The following CDH22 variants were observed in gnomAD, a reference collection of about 807,000 sequenced individuals.
CDH22 encodes cadherin 22.
CDH22 carries 30 observed loss-of-function variants against 58.4 expected under a neutral mutation model. The ratio of observed to expected loss-of-function variants is 0.51; its 90% confidence interval spans 0.38 to 0.70. The LOEUF (loss-of-function observed/expected upper bound fraction) is 0.70. Among genes scored for constraint, CDH22 ranks in the 30% least tolerant of loss-of-function variants. CDH22 has a pLI of 0.00. For synonymous variants in CDH22, 513 were observed against 558.2 expected (o/e 0.92, Z 1.14); for missense variants, 1,014 against 1,233.9 (o/e 0.82, Z 2.67).
chr20:46,265,286 C>T (rs143852545), intron 1 of CDH22, among the ~76,000 whole-genome samples: 150 of 152,278 alleles, frequency 9.9e-4, no homozygotes, highest in African/African-American at 3.3e-3. Context: ...CCCTCCAAAC[C>T]GCCTCCTCCT....
At chr20:46,202,712 G>A (rs976712178) in intron 7 of CDH22, among the ~76,000 whole-genome samples, 5 of 152,136 alleles carry the variant, frequency 3.3e-5, no homozygotes, top group South Asian at 2.1e-4. Context: ...CCAAATCCTC[G>A]ATGCATGAAG....
intron 8 of CDH22, among the ~76,000 whole-genome samples, chr20:46,192,915 G>GC (rs200758518): frequency 0.045 from 6,685 of 149,872 alleles, 180 homozygotes; most frequent in African/African-American, 0.059. Flanking sequence ...CTGTCCCCAT[G>GC]CCCCCCCCCA....
At chr20:46,211,765 A>G (rs967518487) in intron 6 of CDH22, among the ~76,000 whole-genome samples, 7 of 152,224 alleles carry the variant, frequency 4.6e-5, no homozygotes, top group East Asian at 1.9e-4. Context: ...TTAAGGATGA[A>G]CGGAGATCAA....
chr20:46,256,303 G>A (rs75864231), intron 1 of CDH22, among the ~76,000 whole-genome samples: 1,833 of 152,248 alleles, frequency 0.012, 37 homozygotes, highest in African/African-American at 0.042. Flanking sequence ...GAAGTTCTGG[G>A]GATGGCGGGA....
intron 10 of CDH22, 79 bp from the exon 11 acceptor site, chr20:46,178,276 C>G (rs541534784): frequency 2.8e-5 from 42 of 1,511,960 alleles, no homozygotes; most frequent in South Asian, 1.0e-4. Flanking sequence ...CTGATTGCAT[C>G]GTGAGATTTG....
chr20:46,192,411 C>T (rs1203042023), intron 8 of CDH22, among the ~76,000 whole-genome samples: 1 of 152,178 alleles, frequency 6.6e-6, no homozygotes, highest in Non-Finnish European at 1.5e-5. Context: ...GGACCCTCTT[C>T]CTGCCTCTCT....
intron 1 of CDH22, among the ~76,000 whole-genome samples, chr20:46,295,954 G>T (rs914339473): frequency 3.3e-5 from 5 of 152,128 alleles, no homozygotes; most frequent in Admixed American, 6.5e-5. Context: ...TAGAGATGGG[G>T]GTCTTGCTAT....
intron 8 of CDH22, among the ~76,000 whole-genome samples, chr20:46,198,329 C>CAT (rs2085925099): frequency 1.3e-5 from 2 of 148,444 alleles, no homozygotes; most frequent in African/African-American, 2.6e-5. Context: ...CACACACACA[C>CAT]ACATATTCTT....
chr20:46,266,163 C>T (rs1427943591), intron 1 of CDH22, among the ~76,000 whole-genome samples: 1 of 152,186 alleles, frequency 6.6e-6, no homozygotes, highest in Admixed American at 6.5e-5. Flanking sequence ...GGGAATGGTA[C>T]AGCAGGGTCC....
chr20:46,215,795 G>T (rs2086080188), intron 5 of CDH22, among the ~76,000 whole-genome samples: 1 of 152,230 alleles, frequency 6.6e-6, no homozygotes, highest in African/African-American at 2.4e-5. Flanking sequence ...TGGCACAAGT[G>T]GGCAGAAGAC....
At chr20:46,268,348 G>A (rs1040828181) in intron 1 of CDH22, among the ~76,000 whole-genome samples, 3 of 152,228 alleles carry the variant, frequency 2.0e-5, no homozygotes, top group African/African-American at 4.8e-5. Flanking sequence ...AAAGCCTGGC[G>A]GCCACCGCCT....
intron 10 of CDH22, among the ~76,000 whole-genome samples, chr20:46,179,365 C>T (rs979715551): frequency 6.6e-5 from 10 of 152,178 alleles, no homozygotes; most frequent in Non-Finnish European, 1.0e-4. Context: ...TACCCTGCTT[C>T]GTGGCCCCAG....
chr20:46,181,261 G>A (rs1370830972), intron 10 of CDH22, among the ~76,000 whole-genome samples: 1 of 152,144 alleles, frequency 6.6e-6, no homozygotes, highest in Non-Finnish European at 1.5e-5. Flanking sequence ...GGTGAGTGCT[G>A]TGAAGGAAGA....
At chr20:46,247,373 G>A (rs535100656) in intron 2 of CDH22, among the ~76,000 whole-genome samples, 46 of 152,234 alleles carry the variant, frequency 3.0e-4, no homozygotes, top group South Asian at 1.0e-3. Flanking sequence ...CTCTGTATCC[G>A]TGGGTTCTGC....
intron 3 of CDH22, among the ~76,000 whole-genome samples, chr20:46,231,537 C>T (rs532434599): frequency 8.0e-4 from 122 of 152,196 alleles, no homozygotes; most frequent in Non-Finnish European, 1.4e-3. Flanking sequence ...CAGAGGGGCT[C>T]GATGACTTCC....
chr20:46,254,028 T>C (rs986080614), intron 1 of CDH22, among the ~76,000 whole-genome samples: 2 of 152,164 alleles, frequency 1.3e-5, no homozygotes, highest in African/African-American at 4.8e-5. Context: ...AACATGAGGG[T>C]CTGCTACAAG....
chr20:46,272,835 G>T (rs994172758), intron 1 of CDH22, among the ~76,000 whole-genome samples: 31 of 152,096 alleles, frequency 2.0e-4, no homozygotes, highest in Non-Finnish European at 2.8e-4. Context: ...ATTGTTTTCT[G>T]GTGTGTCTGG....
At position 46,174,941 on chromosome 20, in the gene CDH22, G is replaced by A. The variant is rs2085727445; in HGVS notation, c.2052C>T (p.Asp684=). The A allele has an allele frequency of 6.3e-7, 1 of 1,589,428 alleles. No individual in the cohort carries two copies. Among genetic ancestry groups the A allele is most frequent in the Non-Finnish European group, 8.5e-7 (1 of 1,173,052 alleles). ...CGTAGAGGCTCCGCAGCGCCGACAT[G>A]TCGTAGGCTTCGGTGTCCTGCTCGC... ...GGGEQDTEAY[D]MSALRSLYDF... Residue 684 remains aspartate, a synonymous_variant, in exon 12 of 12, where the codon GAC becomes GAT. Transcript: ENST00000537909. The surrounding 1 kb of genome is among the most constrained non-coding windows in gnomAD (Gnocchi z 4.4).
chr20:46,240,272 T>TG (rs2086280186), intron 3 of CDH22, among the ~76,000 whole-genome samples: 1 of 152,068 alleles, frequency 6.6e-6, no homozygotes, highest in Non-Finnish European at 1.5e-5. Context: ...TGTACATGGC[T>TG]GAGTCTGTGC....
Sources: gnomAD v4.1 joint callset for allele counts (sites outside exome capture counted in the v4.1 genomes callset) on GRCh38, gnomAD v4.1.1 for gene constraint, Gnocchi (gnomAD v3.1) non-coding constraint, MANE v1.5 for transcripts, NCBI Gene and HGNC (gene_info 2026-07-23, HGNC 2026-07-21) for gene names.